Variants in PTGER4 observed in about 807,000 individuals in gnomAD.
The protein encoded by PTGER4 is prostaglandin E2 receptor EP4 subtype.
Under a neutral mutation model 33.2 loss-of-function variants are expected in PTGER4, and 11 were observed. The observed-to-expected ratio is 0.33, with a 90% confidence interval of 0.21 to 0.55. The LOEUF is 0.55. PTGER4 is among the 20% of genes least tolerant of loss of function. PTGER4 has a pLI of 0.92. For missense variants in PTGER4, 481 were observed against 650.2 expected (o/e 0.74, Z 2.83); for synonymous variants, 275 against 281.5 (o/e 0.98, Z 0.23).
the PTGER4 span, chr5:40,716,097 C>G: frequency 2.1e-6 from 3 of 1,458,586 alleles, no homozygotes; most frequent in Non-Finnish European, 2.8e-6. Flanking sequence ...GTCAAAACTT[C>G]AAGAGGCAAT....
At chr5:40,746,642 G>A in the PTGER4 span, among the ~76,000 whole-genome samples, 1 of 151,994 alleles carries the variant, frequency 6.6e-6, no homozygotes, top group Non-Finnish European at 1.5e-5. Context: ...TCATTTTTCA[G>A]GTGACTTTGA....
the PTGER4 span, among the ~76,000 whole-genome samples, chr5:40,723,676 C>A: frequency 6.6e-6 from 1 of 152,120 alleles, no homozygotes; most frequent in Non-Finnish European, 1.5e-5. Flanking sequence ...ACCAGCCTGG[C>A]CAACATGGCA....
chr5:40,695,362 A>T (rs114211323), downstream of PTGER4, among the ~76,000 whole-genome samples: 1,618 of 152,178 alleles, frequency 0.011, 24 homozygotes, highest in African/African-American at 0.037. Context: ...GGCCAACGTA[A>T]TGAAACCTCA....
At chr5:40,744,487 G>GTTTTT in the PTGER4 span, among the ~76,000 whole-genome samples, 2 of 136,408 alleles carry the variant, frequency 1.5e-5, no homozygotes. Flanking sequence ...ACTCTTACCA[G>GTTTTT]TTTTTTTTTT....
chr5:40,716,035 A>G, the PTGER4 span: 3 of 903,672 alleles, frequency 3.3e-6, no homozygotes, highest in East Asian at 2.7e-5. Flanking sequence ...TCTGAAAAAC[A>G]TATTTTACAA....
chr5:40,727,351 T>A, the PTGER4 span, among the ~76,000 whole-genome samples: 3 of 152,164 alleles, frequency 2.0e-5, no homozygotes, highest in African/African-American at 7.2e-5. Flanking sequence ...CAAACACTTG[T>A]TAGGAAGTTA....
At position 40,691,540 on chromosome 5, in the gene PTGER4, T is replaced by G. The variant is rs1446972975; in HGVS notation, c.868-239T>G. 1.1e-4 allele frequency among the ~76,000 whole-genome samples: 16 copies of G among 152,186 alleles called. No individual in the cohort carries two copies. Among genetic ancestry groups the G allele is most frequent in the Non-Finnish European group, 2.9e-5 (2 of 68,032 alleles). The stretch of plus-strand genomic sequence containing the variant: ...CATGTTGGACAAGTTGGTCTCGGAC[T>G]CCTGACCTCAAGTGATCCTCCCACC... On this transcript the variant is annotated intron_variant, in intron 2 of 2. Coordinates refer to ENST00000302472, the MANE Select transcript of PTGER4 (RefSeq NM_000958.3). The surrounding 1 kb of genome is among the most constrained non-coding windows in gnomAD (Gnocchi z 4.2).
At chr5:40,746,281 A>G in the PTGER4 span, among the ~76,000 whole-genome samples, 1 of 152,246 alleles carries the variant, frequency 6.6e-6, no homozygotes, top group Non-Finnish European at 1.5e-5. Context: ...ACTTAGCTAA[A>G]GAAGGGCTAA....
chr5:40,711,253 CA>C, the PTGER4 span, among the ~76,000 whole-genome samples: 4 of 151,640 alleles, frequency 2.6e-5, no homozygotes, highest in African/African-American at 2.4e-5. Flanking sequence ...AGTTACTTTC[CA>C]AAAAAGAGAA....
chr5:40,736,871 C>T, the PTGER4 span, among the ~76,000 whole-genome samples: 1 of 152,172 alleles, frequency 6.6e-6, no homozygotes, highest in Non-Finnish European at 1.5e-5. Context: ...TCAAAATCTA[C>T]ACTCTTAACC....
chr5:40,696,607 C>T, downstream of PTGER4: 1 of 902,908 alleles, frequency 1.1e-6, no homozygotes, highest in Non-Finnish European at 1.3e-6. Flanking sequence ...CTTCTATCAA[C>T]ATCTCTACCA....
rs778925464 is a variant in PTGER4, at chr5:40,681,705, T to A, written c.712T>A (p.Ser238Thr). 27 of 1,584,896 alleles carry A rather than the reference T, an allele frequency of 1.7e-5. No individual in the cohort carries two copies. Among genetic ancestry groups the A allele is most frequent in the Non-Finnish European group, 2.2e-5 (26 of 1,170,238 alleles). ...CGCGGCCGCGGCCGCCTCGGTTGCC[T>A]CCCGGGGCCACCCCGCTGCCTCCCC... ...HHAAAAASVASRGHPAASPAL... is the reference protein window; with the variant it reads ...HHAAAAASVATRGHPAASPAL... Residue 238 changes from serine (S) to threonine (T), a missense_variant, in exon 2 of 3, where the codon TCC (serine) becomes ACC (threonine). By Grantham distance (58) the Ser-to-Thr change is moderately conservative. Around this residue, in one of 7 missense-constraint regions of PTGER4, gnomAD observed 174 missense variants for 210.5 expected, o/e 0.83. Coordinates refer to ENST00000302472, the MANE Select transcript of PTGER4 (RefSeq NM_000958.3). This position sits in a 1 kb window ranked among gnomAD's most constrained non-coding sequence, Gnocchi z 9.8.
chr5:40,703,458 T>C, the PTGER4 span, among the ~76,000 whole-genome samples: 1 of 152,230 alleles, frequency 6.6e-6, no homozygotes, highest in East Asian at 1.9e-4. Flanking sequence ...ATCAATTCCC[T>C]GAACAGACCA....
chr5:40,746,577 C>G, the PTGER4 span, among the ~76,000 whole-genome samples: 3 of 152,118 alleles, frequency 2.0e-5, no homozygotes, highest in African/African-American at 7.2e-5. Flanking sequence ...TAATTAGCAT[C>G]CTGAAAACTA....
chr5:40,724,454 G>A, the PTGER4 span, among the ~76,000 whole-genome samples: 2 of 151,930 alleles, frequency 1.3e-5, no homozygotes, highest in African/African-American at 2.4e-5. Context: ...CCAACACGGT[G>A]AAACCCTGTC....
chr5:40,691,253 C>G lies in PTGER4; in HGVS notation c.868-526C>G, dbSNP rs1741462486. Among the ~76,000 whole-genome samples, 1 of 152,232 alleles carries G rather than the reference C, an allele frequency of 6.6e-6. No homozygotes were observed. Reference sequence around the variant, plus strand: ...CTGGAGTGCAGTGGTGGGATCTCAGCTCACTGCAACCTCCGCCTCCCAGGT... The same window carrying G: ...CTGGAGTGCAGTGGTGGGATCTCAGGTCACTGCAACCTCCGCCTCCCAGGT... On this transcript the variant is annotated intron_variant, in intron 2 of 2. Transcript: ENST00000302472. The surrounding 1 kb of genome is among the most constrained non-coding windows in gnomAD (Gnocchi z 4.2).
the PTGER4 span, among the ~76,000 whole-genome samples, chr5:40,725,722 C>T: frequency 2.6e-5 from 4 of 151,776 alleles, no homozygotes; most frequent in African/African-American, 9.7e-5. Context: ...CTTATGTATT[C>T]CTTTCTCACC....
At chr5:40,734,202 C>G in the PTGER4 span, among the ~76,000 whole-genome samples, 1 of 152,204 alleles carries the variant, frequency 6.6e-6, no homozygotes, top group African/African-American at 2.4e-5. Context: ...GGCCTGCAAA[C>G]AAAGGGTGGC....
chr5:40,703,565 AAAG>A, the PTGER4 span, among the ~76,000 whole-genome samples: 1 of 152,136 alleles, frequency 6.6e-6, no homozygotes, highest in Non-Finnish European at 1.5e-5. Context: ...CCAGATATAC[AAAG>A]AAGAGCTGGT....
Sources: allele counts gnomAD v4.1 joint callset (sites outside exome capture counted in the v4.1 genomes callset), GRCh38; gene constraint gnomAD v4.1.1; regional missense constraint gnomAD v4.1.1; non-coding constraint Gnocchi (gnomAD v3.1); transcripts MANE v1.5; gene names NCBI Gene and HGNC (gene_info 2026-07-23, HGNC 2026-07-21).